ENOX1: variants seen among roughly 807,000 people sequenced by gnomAD.
ENOX1 encodes ecto-NOX disulfide-thiol exchanger 1, also known as candidate growth-related and time keeping constitutive hydroquinone (NADH) oxidase.
A neutral mutation model predicts 82.5 loss-of-function variants in ENOX1; 42 were observed. That is an observed-to-expected ratio of 0.51 (90% confidence interval 0.40 to 0.66). ENOX1 has a LOEUF of 0.66. Among genes scored for constraint, ENOX1 ranks in the 30% least tolerant of loss-of-function variants. The pLI, the probability that ENOX1 is intolerant of heterozygous loss-of-function variation, is 0.00. For missense variants in ENOX1, 608 were observed against 811.6 expected, an observed-to-expected ratio of 0.75 and a Z score of 3.05; for synonymous variants, 271 against 282.2, an observed-to-expected ratio of 0.96 and a Z score of 0.40.
At chr13:43,726,924 C>T (rs57581970) in intron 1 of ENOX1, among the ~76,000 whole-genome samples, 21,011 of 151,858 alleles carry the variant, frequency 0.14, 2,902 homozygotes, top group African/African-American at 0.35. Context: ...GTATTTTTAA[C>T]GGAGATGGGG....
At chr13:43,391,536 T>C (rs2052774383) in intron 5 of ENOX1, among the ~76,000 whole-genome samples, 1 of 152,190 alleles carries the variant, frequency 6.6e-6, no homozygotes. Flanking sequence ...TTTCTCCCTC[T>C]ATTTGTTCCT....
intron 9 of ENOX1, among the ~76,000 whole-genome samples, chr13:43,329,712 T>C (rs1440977614): frequency 2.6e-5 from 4 of 152,122 alleles, no homozygotes; most frequent in Admixed American, 2.0e-4. Context: ...TTTTTCCCTA[T>C]ACCAATCAAA....
chr13:43,566,986 A>G (rs571678684), intron 2 of ENOX1, among the ~76,000 whole-genome samples: 9 of 152,258 alleles, frequency 5.9e-5, no homozygotes, highest in African/African-American at 2.2e-4. Flanking sequence ...TGAGCAGAAC[A>G]ATGAGCCCTC....
chr13:43,776,188 T>C (rs147781490), intron 1 of ENOX1, among the ~76,000 whole-genome samples: 1,832 of 152,246 alleles, frequency 0.012, 32 homozygotes, highest in African/African-American at 0.041. Context: ...GTTAATGGTA[T>C]AATACATAAG....
intron 3 of ENOX1, among the ~76,000 whole-genome samples, chr13:43,479,031 C>T (rs2153654359): frequency 6.6e-6 from 1 of 152,256 alleles, no homozygotes; most frequent in South Asian, 2.1e-4. Flanking sequence ...TATAACTTTA[C>T]TTGAGCCCTT....
intron 12 of ENOX1, among the ~76,000 whole-genome samples, chr13:43,278,645 A>C (rs2045202174): frequency 6.6e-6 from 1 of 152,244 alleles, no homozygotes; most frequent in Admixed American, 6.5e-5. Context: ...AGAAAATGTT[A>C]CATCAGAGAC....
Position 43,598,205 on chromosome 13 carries a change from G to GA in ENOX1, c.-219+69273dup, listed in dbSNP as rs35703508. The stretch of plus-strand genomic sequence containing the variant: ...AAACACTACAAAATAGGCCTTTAAA[G>GA]AAAAAAAAAAAAGACAGCCAAATTA... On this transcript the variant is annotated intron_variant, in intron 2 of 16. Coordinates refer to ENST00000690772, the MANE Select transcript of ENOX1 (RefSeq NM_001347969.2). Among the ~76,000 whole-genome samples, 123 of 147,224 alleles carry GA rather than the reference G, an allele frequency of 8.4e-4. 1 individual carries two copies. The highest frequency in any genetic ancestry group is 2.0e-3 in the African/African-American group (82 of 40,638).
intron 2 of ENOX1, among the ~76,000 whole-genome samples, chr13:43,588,313 CTT>C (rs1267580604): frequency 1.3e-5 from 2 of 152,130 alleles, no homozygotes; most frequent in Non-Finnish European, 2.9e-5. Flanking sequence ...GGATCATAGT[CTT>C]AGTGCATTCA....
intron 7 of ENOX1, among the ~76,000 whole-genome samples, chr13:43,356,880 C>T (rs1214228819): frequency 6.6e-6 from 1 of 152,024 alleles, no homozygotes; most frequent in Non-Finnish European, 1.5e-5. Flanking sequence ...ACAAATTGTT[C>T]ATGTAATATT....
intron 5 of ENOX1, among the ~76,000 whole-genome samples, chr13:43,370,316 G>A (rs1034400140): frequency 1.3e-5 from 2 of 151,946 alleles, no homozygotes; most frequent in East Asian, 1.9e-4. Context: ...GTAGTGAGCC[G>A]AGATCGCGCC....
At chr13:43,556,688 A>G (rs1178987549) in intron 2 of ENOX1, among the ~76,000 whole-genome samples, 2 of 152,064 alleles carry the variant, frequency 1.3e-5, no homozygotes, top group Non-Finnish European at 2.9e-5. Context: ...CTTGATGATA[A>G]TTATATCAAA....
At chr13:43,779,117 G>A (rs749272181) in intron 1 of ENOX1, among the ~76,000 whole-genome samples, 9 of 150,366 alleles carry the variant, frequency 6.0e-5, no homozygotes, top group Non-Finnish European at 1.2e-4. Flanking sequence ...CAAATCTAAG[G>A]AGCAATGCCC....
chr13:43,640,250 G>GA (rs1054823550), intron 2 of ENOX1, among the ~76,000 whole-genome samples: 3 of 152,062 alleles, frequency 2.0e-5, no homozygotes, highest in Admixed American at 2.0e-4. Flanking sequence ...TCTTTCTAAG[G>GA]AAAAAATTAA....
At chr13:43,666,674 C>G (rs2084995985) in intron 2 of ENOX1, among the ~76,000 whole-genome samples, 1 of 152,176 alleles carries the variant, frequency 6.6e-6, no homozygotes, top group Non-Finnish European at 1.5e-5. Context: ...ATTGTATAAA[C>G]CAGCCAGTTT....
chr13:43,783,753 T>C (rs964443461), intron 1 of ENOX1, among the ~76,000 whole-genome samples: 1 of 152,210 alleles, frequency 6.6e-6, no homozygotes, highest in Non-Finnish European at 1.5e-5. Flanking sequence ...ATTTTTCAGT[T>C]TATACTAGGC....
intron 1 of ENOX1, among the ~76,000 whole-genome samples, chr13:43,679,837 T>G (rs2153796732): frequency 6.6e-6 from 1 of 152,348 alleles, no homozygotes; most frequent in Middle Eastern, 3.4e-3. Flanking sequence ...ATTATCTGCA[T>G]ATCATGGAAA....
intron 2 of ENOX1, among the ~76,000 whole-genome samples, chr13:43,499,502 T>C (rs562300938): frequency 2.6e-5 from 4 of 152,160 alleles, no homozygotes; most frequent in Non-Finnish European, 5.9e-5. Context: ...CAAATCCACT[T>C]ACTCACAGAC....
intron 1 of ENOX1, among the ~76,000 whole-genome samples, chr13:43,697,961 G>A (rs1393206669): frequency 6.6e-6 from 1 of 152,216 alleles, no homozygotes; most frequent in Non-Finnish European, 1.5e-5. Context: ...CAGCATTGAG[G>A]AAGGAAAGGA....
rs546001232 is a variant in ENOX1 at position 43,255,008 on chromosome 13, G to A, written c.1611+10390C>T. 2.6e-5 allele frequency among the ~76,000 whole-genome samples: 4 copies of A among 151,874 alleles called. No homozygotes were observed. In the East Asian group the frequency reaches 7.7e-4, roughly 29 times the overall value. ...ATTGAAACTATTAAAAAAACCACAGGCCAATATTCATGATAAACATAGATG... is the reference window on the plus strand; with the variant it reads ...ATTGAAACTATTAAAAAAACCACAGACCAATATTCATGATAAACATAGATG... On this transcript the variant is annotated intron_variant, in intron 14 of 16. Transcript: ENST00000690772.
Sources: gnomAD v4.1 joint callset for allele counts (sites outside exome capture counted in the v4.1 genomes callset) on GRCh38, gnomAD v4.1.1 for gene constraint, MANE v1.5 for transcripts, NCBI Gene and HGNC (gene_info 2026-07-23, HGNC 2026-07-21) for gene names.